Variants in LRRC8D observed in about 807,000 individuals in gnomAD.
The protein encoded by LRRC8D is volume-regulated anion channel subunit LRRC8D.
LRRC8D carries 20 observed loss-of-function variants against 55.8 expected under a neutral mutation model. The ratio of observed to expected loss-of-function variants is 0.36; its 90% CI spans 0.25 to 0.52. LRRC8D has a LOEUF of 0.52. Ranked by LOEUF, LRRC8D falls within the 20% of genes least tolerant of loss-of-function variation. LRRC8D has a pLI of 0.93. For synonymous variants in LRRC8D, 352 were observed against 377.0 expected (o/e 0.93, Z 0.77); for missense variants, 651 against 1,030.8 (o/e 0.63, Z 5.05).
intron 2 of LRRC8D, among the ~76,000 whole-genome samples, chr1:89,892,443 G>T (rs1173405527): frequency 6.6e-6 from 1 of 152,018 alleles, no homozygotes; most frequent in African/African-American, 2.4e-5. Context: ...CAAGTTCCCC[G>T]CTTGGCATTA....
chr1:89,884,994 A>G (rs1390792047), intron 2 of LRRC8D, among the ~76,000 whole-genome samples: 5 of 152,068 alleles, frequency 3.3e-5, no homozygotes, highest in South Asian at 2.1e-4. Flanking sequence ...CTCCCAGACA[A>G]TTGCTAGTAT....
At chr1:89,867,383 A>G (rs1557458800) in intron 2 of LRRC8D, among the ~76,000 whole-genome samples, 1 of 152,206 alleles carries the variant, frequency 6.6e-6, no homozygotes, top group East Asian at 1.9e-4. Flanking sequence ...CCCATTGTAT[A>G]AATATGCCAG....
At chr1:89,905,793 G>A (rs372186701) in intron 2 of LRRC8D, among the ~76,000 whole-genome samples, 132 of 152,320 alleles carry the variant, frequency 8.7e-4, no homozygotes, top group African/African-American at 3.0e-3. Flanking sequence ...TTTGCAGACA[G>A]GCAAATCTCA....
chr1:89,913,269 G>A lies in LRRC8D; in HGVS notation c.-2-19798G>A, dbSNP rs573589047. On this transcript the variant is annotated intron_variant, in intron 2 of 2. Transcript: ENST00000337338. ...ATGTTATCTCTAGATGGGCACCTTTGCACCTAGCTAAACTGGGTGGTGATG... is the reference window on the plus strand; with the variant it reads ...ATGTTATCTCTAGATGGGCACCTTTACACCTAGCTAAACTGGGTGGTGATG... Among the ~76,000 whole-genome samples, 35 of 152,318 alleles carry A rather than the reference G, an allele frequency of 2.3e-4. No individual in the cohort carries two copies. In the South Asian group the frequency reaches 7.0e-3, roughly 31 times the overall value.
intron 2 of LRRC8D, among the ~76,000 whole-genome samples, chr1:89,901,548 C>T (rs1302789042): frequency 6.6e-6 from 1 of 152,188 alleles, no homozygotes; most frequent in African/African-American, 2.4e-5. Context: ...CTTCCCTTTC[C>T]ACCTGACCTG....
At position 89,934,419 on chromosome 1, in the gene LRRC8D, T is replaced by C; in HGVS notation, c.1351T>C (p.Leu451=). 1 of 1,614,034 alleles carries C rather than the reference T, an allele frequency of 6.2e-7. No individual in the cohort carries two copies. The highest frequency in any genetic ancestry group is 1.1e-5 in the South Asian group (1 of 91,084). ...VSENKLREIS[L]NHEWTFEKLR... Reference sequence around the variant, plus strand: ...TGAAAATAAACTTAGGGAAATTAGTTTGAACCATGAGTGGACATTTGAAAA... The same window carrying C: ...TGAAAATAAACTTAGGGAAATTAGTCTGAACCATGAGTGGACATTTGAAAA... The change falls in exon 3 of 3, where the codon TTG becomes CTG. Residue 451 remains leucine, a synonymous_variant. Coordinates refer to ENST00000337338, the MANE Select transcript of LRRC8D (RefSeq NM_001134479.2). This position sits in a 1 kb window ranked among gnomAD's most constrained non-coding sequence, Gnocchi z 5.9.
intron 2 of LRRC8D, among the ~76,000 whole-genome samples, chr1:89,857,107 G>A (rs1334486018): frequency 6.6e-6 from 1 of 152,158 alleles, no homozygotes; most frequent in Non-Finnish European, 1.5e-5. Flanking sequence ...ATCGGGGTCA[G>A]GCACGGTGGC....
intron 1 of LRRC8D, among the ~76,000 whole-genome samples, chr1:89,841,458 A>G (rs1008828023): frequency 6.3e-5 from 9 of 143,242 alleles, no homozygotes; most frequent in Non-Finnish European, 9.1e-5. Flanking sequence ...TGGTTGCGTC[A>G]GGAGCCTCAT....
chr1:89,922,328 G>A (rs1163815951), intron 2 of LRRC8D, among the ~76,000 whole-genome samples: 1 of 152,150 alleles, frequency 6.6e-6, no homozygotes, highest in Non-Finnish European at 1.5e-5. Context: ...GCCTCCCAAA[G>A]TGCTGGGATT....
At chr1:89,932,493 G>A (rs546251792) in intron 2 of LRRC8D, among the ~76,000 whole-genome samples, 75 of 152,310 alleles carry the variant, frequency 4.9e-4, no homozygotes, top group African/African-American at 1.7e-3. Flanking sequence ...TGTGGCCAGA[G>A]GATGTGCTAA....
chr1:89,884,050 G>T (rs991684560), intron 2 of LRRC8D, among the ~76,000 whole-genome samples: 1 of 152,200 alleles, frequency 6.6e-6, no homozygotes, highest in South Asian at 2.1e-4. Flanking sequence ...AAGCAAACCA[G>T]CTAGGTTAGA....
intron 1 of LRRC8D, among the ~76,000 whole-genome samples, chr1:89,830,003 G>GA (rs1389849066): frequency 6.6e-6 from 1 of 152,092 alleles, no homozygotes; most frequent in African/African-American, 2.4e-5. Context: ...TGTCTTAGCT[G>GA]AAAAAACTGC....
chr1:89,869,458 G>A (rs1388484350), intron 2 of LRRC8D, among the ~76,000 whole-genome samples: 1 of 152,210 alleles, frequency 6.6e-6, no homozygotes, highest in Non-Finnish European at 1.5e-5. Context: ...ATGGGACTAT[G>A]TGAAAAGACC....
At position 89,935,666 on chromosome 1, in the gene LRRC8D, G is replaced by A. The variant is rs761538320; in HGVS notation, c.*21G>A. The A allele has an allele frequency of 1.3e-6, 2 of 1,589,936 alleles. No individual in the cohort carries two copies. The highest frequency in any genetic ancestry group is 2.2e-5 in the South Asian group (2 of 89,676). On this transcript the variant is annotated 3_prime_UTR_variant, in exon 3 of 3. Transcript: ENST00000337338. Reference sequence around the variant, plus strand: ...TTTAAACTAAGATAATATATGCACAGTGATGTGCAGGAACAACTTCCTAGA... The same window carrying A: ...TTTAAACTAAGATAATATATGCACAATGATGTGCAGGAACAACTTCCTAGA...
At chr1:89,860,269 C>G (rs1310507182) in intron 2 of LRRC8D, among the ~76,000 whole-genome samples, 1 of 152,184 alleles carries the variant, frequency 6.6e-6, no homozygotes, top group African/African-American at 2.4e-5. Flanking sequence ...ACTTTCTGAT[C>G]TCTCTCAGAT....
chr1:89,873,761 C>T (rs1489816357), intron 2 of LRRC8D, among the ~76,000 whole-genome samples: 2 of 152,184 alleles, frequency 1.3e-5, no homozygotes, highest in African/African-American at 4.8e-5. Flanking sequence ...AATGTTTTCC[C>T]TTACATTCCT....
chr1:89,840,411 G>A (rs1158164390), intron 1 of LRRC8D, among the ~76,000 whole-genome samples: 1 of 152,188 alleles, frequency 6.6e-6, no homozygotes, highest in Non-Finnish European at 1.5e-5. Context: ...AACTTTGGGA[G>A]TCGTACAGAG....
chr1:89,910,954 A>G (rs761384190), intron 2 of LRRC8D, among the ~76,000 whole-genome samples: 2 of 152,148 alleles, frequency 1.3e-5, no homozygotes, highest in African/African-American at 2.4e-5. Flanking sequence ...CCTGTATACC[A>G]TGGTCAAGGA....
intron 2 of LRRC8D, among the ~76,000 whole-genome samples, chr1:89,876,818 C>T (rs1662160454): frequency 6.6e-6 from 1 of 152,188 alleles, no homozygotes; most frequent in South Asian, 2.1e-4. Flanking sequence ...AAATATTTAG[C>T]ATTCGGTCCT....
Sources: gnomAD v4.1 joint callset for allele counts (sites outside exome capture counted in the v4.1 genomes callset) on GRCh38, gnomAD v4.1.1 for gene constraint, Gnocchi (gnomAD v3.1) non-coding constraint, MANE v1.5 for transcripts, NCBI Gene and HGNC (gene_info 2026-07-23, HGNC 2026-07-21) for gene names.